NCKAP5: variants seen among roughly 807,000 people sequenced by gnomAD.
NCKAP5 encodes the protein NCK associated protein 5.
NCKAP5 carries 92 observed loss-of-function variants against 167.0 expected under a neutral mutation model. The ratio of observed to expected loss-of-function variants is 0.55; its 90% CI spans 0.47 to 0.66. The LOEUF is 0.66. Among genes scored for constraint, NCKAP5 ranks in the 30% least tolerant of loss-of-function variants. The pLI is 0.00. For missense variants in NCKAP5, 2,378 were observed against 2,315.0 expected (o/e 1.03, Z -0.56); for synonymous variants, 891 against 877.4 (o/e 1.02, Z -0.27).
chr2:133,016,541 G>A (rs1012087154), intron 6 of NCKAP5, among the ~76,000 whole-genome samples: 1 of 152,162 alleles, frequency 6.6e-6, no homozygotes, highest in Non-Finnish European at 1.5e-5. Context: ...AAAGAAAATG[G>A]TCTTTTGGAA....
the NCKAP5 span, among the ~76,000 whole-genome samples, chr2:133,618,194 G>A: frequency 4.0e-5 from 6 of 151,864 alleles, no homozygotes; most frequent in East Asian, 7.7e-4. Context: ...CTAAAACCAT[G>A]AAAACCCTAG....
At chr2:132,686,795 T>C (rs1020363018) in intron 19 of NCKAP5, among the ~76,000 whole-genome samples, 1 of 152,208 alleles carries the variant, frequency 6.6e-6, no homozygotes, top group African/African-American at 2.4e-5. Context: ...CATTTAGGTT[T>C]CTTTTATTTA....
intron 5 of NCKAP5, among the ~76,000 whole-genome samples, chr2:133,187,592 C>A (rs2085002978): frequency 6.6e-6 from 1 of 151,888 alleles, no homozygotes; most frequent in Non-Finnish European, 1.5e-5. Flanking sequence ...CAAAACTATA[C>A]AATGATAATT....
At chr2:132,743,114 G>A (rs1370558213) in intron 16 of NCKAP5, among the ~76,000 whole-genome samples, 1 of 151,760 alleles carries the variant, frequency 6.6e-6, no homozygotes, top group East Asian at 1.9e-4. Flanking sequence ...TTCTGACATT[G>A]AAAGATAAGC....
At chr2:132,729,084 C>T (rs1690740281) in intron 17 of NCKAP5, 132 bp from the exon 18 acceptor site, 1 of 1,154,322 alleles carries the variant, frequency 8.7e-7, no homozygotes, top group Admixed American at 1.9e-5. Flanking sequence ...GGCTTCCTGC[C>T]ACTCTGTCCC....
At chr2:133,267,387 G>A (rs2089294182) in intron 4 of NCKAP5, 1 of 152,220 alleles carries the variant, frequency 6.6e-6, no homozygotes, top group African/African-American at 2.4e-5. Flanking sequence ...AGCTGACCCA[G>A]AGACTGGCAC....
chr2:133,058,055 A>G (rs2079863727), intron 6 of NCKAP5, among the ~76,000 whole-genome samples: 1 of 152,216 alleles, frequency 6.6e-6, no homozygotes, highest in Admixed American at 6.5e-5. Context: ...CAAAGCCTGG[A>G]TAATGGCACA....
chr2:133,284,146 C>T (rs1326241252), intron 4 of NCKAP5, among the ~76,000 whole-genome samples: 1 of 150,474 alleles, frequency 6.6e-6, no homozygotes, highest in Non-Finnish European at 1.5e-5. Context: ...GTGAATGATG[C>T]CTATAAGATT....
chr2:133,323,890 A>G (rs377161947), intron 3 of NCKAP5, among the ~76,000 whole-genome samples: 1 of 152,214 alleles, frequency 6.6e-6, no homozygotes, highest in East Asian at 1.9e-4. Context: ...GTTTCTCAGT[A>G]TAAGAACCAT....
chr2:133,535,173 C>T (rs887927222), intron 2 of NCKAP5, among the ~76,000 whole-genome samples: 1 of 152,106 alleles, frequency 6.6e-6, no homozygotes. Flanking sequence ...GATACATATG[C>T]AAGTTTTGTT....
At chr2:132,862,138 T>A (rs1689960953) in intron 10 of NCKAP5, among the ~76,000 whole-genome samples, 1 of 152,238 alleles carries the variant, frequency 6.6e-6, no homozygotes, top group South Asian at 2.1e-4. Flanking sequence ...ACAGTTCTGA[T>A]GCCTAGGGCC....
chr2:132,870,384 A>T (rs1353282316), intron 9 of NCKAP5, among the ~76,000 whole-genome samples: 2 of 152,218 alleles, frequency 1.3e-5, no homozygotes, highest in African/African-American at 4.8e-5. Flanking sequence ...ATTTAATGTG[A>T]TAACTGAAAT....
At chr2:132,689,040 C>A (rs1376244443) in intron 19 of NCKAP5, among the ~76,000 whole-genome samples, 1 of 150,458 alleles carries the variant, frequency 6.6e-6, no homozygotes, top group Non-Finnish European at 1.5e-5. Flanking sequence ...CTCTACTTCT[C>A]CTACTTTGGT....
intron 11 of NCKAP5, among the ~76,000 whole-genome samples, chr2:132,830,754 T>G (rs1687465447): frequency 6.6e-6 from 1 of 152,244 alleles, no homozygotes; most frequent in Admixed American, 6.5e-5. Flanking sequence ...GGCAGTAATT[T>G]TCAAAAGAAT....
At chr2:133,135,190 T>A (rs1188819700) in intron 5 of NCKAP5, among the ~76,000 whole-genome samples, 1 of 152,194 alleles carries the variant, frequency 6.6e-6, no homozygotes, top group Non-Finnish European at 1.5e-5. Flanking sequence ...CTGATTTTGT[T>A]TGGTAGGTCA....
chr2:133,100,045 T>A (rs2081459407), intron 6 of NCKAP5, among the ~76,000 whole-genome samples: 1 of 152,176 alleles, frequency 6.6e-6, no homozygotes, highest in Non-Finnish European at 1.5e-5. Flanking sequence ...GTGCTGAGGA[T>A]CTCCTCCTAC....
At chr2:133,151,574 C>A (rs559347934) in intron 5 of NCKAP5, among the ~76,000 whole-genome samples, 1 of 152,194 alleles carries the variant, frequency 6.6e-6, no homozygotes, top group East Asian at 1.9e-4. Flanking sequence ...AATGAGATAC[C>A]ATGACACACT....
intron 3 of NCKAP5, among the ~76,000 whole-genome samples, chr2:133,405,676 A>C (rs1209789330): frequency 3.3e-5 from 5 of 152,122 alleles, no homozygotes; most frequent in African/African-American, 1.2e-4. Context: ...ATAAAGAGTA[A>C]AGTTTTTCTG....
intron 11 of NCKAP5, among the ~76,000 whole-genome samples, chr2:132,853,292 T>C (rs1689215759): frequency 6.6e-6 from 1 of 152,194 alleles, no homozygotes; most frequent in Non-Finnish European, 1.5e-5. Flanking sequence ...CTTCTTACAA[T>C]TTTCAAAGCT....
Sources: gnomAD v4.1 joint callset for allele counts (sites outside exome capture counted in the v4.1 genomes callset) on GRCh38, gnomAD v4.1.1 for gene constraint, MANE v1.5 for transcripts, NCBI Gene and HGNC (gene_info 2026-07-23, HGNC 2026-07-21) for gene names.